The following SEC31A variants were observed in gnomAD, a reference collection of about 807,000 sequenced individuals.
The protein encoded by SEC31A is SEC31 homolog A, COPII component.
In SEC31A, 70 loss-of-function variants were observed where a neutral mutation model predicts 151.0. The observed-to-expected ratio is 0.46, with a 90% CI of 0.38 to 0.57. SEC31A has a LOEUF of 0.57. SEC31A is among the 20% of genes least tolerant of loss of function. The pLI is 0.00. For missense variants in SEC31A, 1,330 were observed against 1,471.2 expected, an observed-to-expected ratio of 0.90 and a Z score of 1.57; for synonymous variants, 475 against 505.9, an observed-to-expected ratio of 0.94 and a Z score of 0.82.
chr4:82,829,177 G>A (rs1450642436), intron 22 of SEC31A, 119 bp from the exon 23 acceptor site: 4 of 761,548 alleles, frequency 5.3e-6, no homozygotes, highest in Non-Finnish European at 2.2e-6. Flanking sequence ...TGTCACAAAG[G>A]TTTTACCAGC....
Position 82,818,959 on chromosome 4 carries a change from T to C in SEC31A, c.*115A>G. The C allele has an allele frequency of 1.3e-6, 1 of 746,444 alleles. No individual in the cohort carries two copies. The allele number at this position is 746,444 out of a possible 1,614,324, so 46.2% of individuals were successfully genotyped here. On this transcript the variant is annotated 3_prime_UTR_variant, in exon 27 of 27. Transcript: ENST00000395310. ...ATCAGCAGAAATAGTGTAAATGCTCTTGACTGGTTGCTATGCAAACATGCT... is the reference window on the plus strand; with the variant it reads ...ATCAGCAGAAATAGTGTAAATGCTCCTGACTGGTTGCTATGCAAACATGCT...
At chr4:82,870,273 G>C (rs1474366445) in intron 8 of SEC31A, 52 bp downstream of exon 8, 1 of 1,382,428 alleles carries the variant, frequency 7.2e-7, no homozygotes, top group Non-Finnish European at 1.0e-6. Flanking sequence ...TATGTAGCCA[G>C]AAGTAACATA....
At chr4:82,846,838 C>T (rs886926474) in intron 20 of SEC31A, among the ~76,000 whole-genome samples, 3 of 152,134 alleles carry the variant, frequency 2.0e-5, no homozygotes, top group African/African-American at 7.2e-5. Context: ...CCTCAGCTTC[C>T]TGAGTAGCTG....
intron 14 of SEC31A, 43 bp from the exon 15 acceptor site, chr4:82,857,807 G>C (rs1733016332): frequency 7.8e-7 from 1 of 1,277,796 alleles, no homozygotes; most frequent in Non-Finnish European, 1.1e-6. Context: ...GAATAAAACT[G>C]TGGAATGATT....
chr4:82,858,777 A>T (rs929081658), intron 14 of SEC31A, among the ~76,000 whole-genome samples: 11 of 151,580 alleles, frequency 7.3e-5, no homozygotes, highest in African/African-American at 2.7e-4. Context: ...CTCTCGGCTC[A>T]CTGCAAACTC....
At chr4:82,871,352 C>A in intron 7 of SEC31A, 1 of 1,517,572 alleles carries the variant, frequency 6.6e-7, no homozygotes, top group Non-Finnish European at 8.8e-7. Flanking sequence ...AACGTAGGTA[C>A]AGTAAAATGT....
At chr4:82,858,972 A>AT (rs1259454400) in intron 14 of SEC31A, among the ~76,000 whole-genome samples, 1 of 152,118 alleles carries the variant, frequency 6.6e-6, no homozygotes, top group Non-Finnish European at 1.5e-5. Context: ...AAGTGCTGGG[A>AT]TTACAGGCGT....
intron 6 of SEC31A, among the ~76,000 whole-genome samples, chr4:82,873,785 T>C (rs1210472402): frequency 6.6e-6 from 1 of 152,184 alleles, no homozygotes; most frequent in African/African-American, 2.4e-5. Flanking sequence ...ATATCTAAAT[T>C]ATTTTATGGC....
At chr4:82,879,973 A>G (rs963402048) in intron 3 of SEC31A, among the ~76,000 whole-genome samples, 7 of 152,230 alleles carry the variant, frequency 4.6e-5, no homozygotes, top group Non-Finnish European at 7.3e-5. Flanking sequence ...TTTTCTAGTC[A>G]CATCTACCTT....
chr4:82,868,854 C>G (rs1736004694), intron 8 of SEC31A, among the ~76,000 whole-genome samples: 1 of 152,006 alleles, frequency 6.6e-6, no homozygotes, highest in Non-Finnish European at 1.5e-5. Flanking sequence ...GCCACCACAC[C>G]CAGCTAATTT....
chr4:82,878,546 T>A (rs1467846237), intron 4 of SEC31A, among the ~76,000 whole-genome samples, 184 bp downstream of exon 4: 1 of 152,132 alleles, frequency 6.6e-6, no homozygotes, highest in South Asian at 2.1e-4. Context: ...ATCCTTTTCA[T>A]GGAGGTAGTA....
intron 4 of SEC31A, 25 bp downstream of exon 4, chr4:82,878,705 A>G: frequency 6.3e-7 from 1 of 1,582,920 alleles, no homozygotes; most frequent in Non-Finnish European, 8.7e-7. Flanking sequence ...ATAGTCTAAG[A>G]ATTATGAAAT....
chr4:82,828,757 T>C (rs1725233641), intron 23 of SEC31A, among the ~76,000 whole-genome samples: 1 of 151,062 alleles, frequency 6.6e-6, no homozygotes. Flanking sequence ...TGGGAATTTA[T>C]ATCTTGCCTT....
Position 82,862,527 on chromosome 4 carries a change from TTCTTACCAC to T in SEC31A, c.1546_1548+6del. On this transcript the variant is annotated splice_donor_variant and splice_donor_5th_base_variant and coding_sequence_variant and intron_variant, in exon 13 of 27. Transcript: ENST00000395310. LOFTEE classifies it high-confidence loss of function. The stretch of plus-strand genomic sequence containing the variant: ...TAGAAGGTAGCTATTTTTAAAGGCC[TTCTTACCAC>T]ATTGGCTCCATCCACTTTGTTCAAG... 1.2e-6 allele frequency: 2 copies of T among 1,612,638 alleles called. No individual in the cohort carries two copies. The highest frequency in any genetic ancestry group is 1.7e-6 in the Non-Finnish European group (2 of 1,178,770).
intron 3 of SEC31A, 167 bp downstream of exon 3, chr4:82,880,632 C>A: frequency 7.6e-6 from 4 of 527,502 alleles, no homozygotes; most frequent in South Asian, 6.4e-5. Flanking sequence ...CACATAAACA[C>A]TACTTTTACT....
intron 1 of SEC31A, among the ~76,000 whole-genome samples, chr4:82,889,132 G>C (rs1250266598): frequency 6.6e-6 from 1 of 152,156 alleles, no homozygotes; most frequent in Non-Finnish European, 1.5e-5. Flanking sequence ...AATCAAAGGA[G>C]AAAGCAACTG....
chr4:82,853,699 C>G lies in SEC31A; in HGVS notation c.2025G>C (p.Arg675Ser). The change falls in exon 18 of 27, where the codon AGG (arginine) becomes AGC (serine). Residue 675 changes from arginine (R) to serine (S), a missense_variant. Transcript: ENST00000395310. ...FSALCDLLGT[R>S]LENEGDSLLQ... ...GGAGGCTATCTCCTTCATTTTCAAG[C>G]CTGGTTCCCAAAAGATCTGTAAGTA... 2 of 1,603,344 alleles carry G rather than the reference C, an allele frequency of 1.2e-6. No individual in the cohort carries two copies. Among genetic ancestry groups the G allele is most frequent in the African/African-American group, 1.3e-5 (1 of 74,288 alleles).
Position 82,880,922 on chromosome 4 carries a change from C to A in SEC31A, c.80G>T (p.Gly27Val). The change falls in exon 3 of 27, where the codon GGA becomes GTA. Residue 27 changes from glycine (G) to valine (V), a missense_variant and splice_region_variant. Transcript: ENST00000395310. Reference protein sequence around the residue: ...AQNHPIYLATGTSAQQLDATF... With the variant: ...AQNHPIYLATVTSAQQLDATF... ...TGCATCCAATTGCTGAGCAGATGTT[C>A]CTATAGAAAATATATTTATGGTAAC... is the stretch of plus-strand genomic sequence containing the variant. 1 of 1,599,524 alleles carries A rather than the reference C, an allele frequency of 6.3e-7. No individual in the cohort carries two copies.
intron 13 of SEC31A, 54 bp from the exon 14 acceptor site, chr4:82,861,762 C>T: frequency 8.1e-7 from 1 of 1,241,048 alleles, no homozygotes; most frequent in Non-Finnish European, 1.2e-6. Context: ...TATTAAAAGG[C>T]TATTAGTGAA....
Sources: gnomAD v4.1 joint callset for allele counts (sites outside exome capture counted in the v4.1 genomes callset) on GRCh38, gnomAD v4.1.1 for gene constraint, MANE v1.5 for transcripts, NCBI Gene and HGNC (gene_info 2026-07-23, HGNC 2026-07-21) for gene names.